Variants in LRRC41 observed in about 807,000 individuals in gnomAD.
LRRC41 encodes leucine rich repeat containing 41.
In LRRC41, 17 loss-of-function variants were observed where a neutral mutation model predicts 72.1. The observed-to-expected ratio is 0.24, with a 90% CI of 0.16 to 0.35. LRRC41 has a LOEUF of 0.35. Among genes scored for constraint, LRRC41 ranks in the 10% least tolerant of loss-of-function variants. The pLI is 1.00. For missense variants in LRRC41, 759 were observed against 1,065.0 expected (o/e 0.71, Z 4.00); for synonymous variants, 427 against 431.0 (o/e 0.99, Z 0.11).
intron 1 of LRRC41, among the ~76,000 whole-genome samples, chr1:46,301,504 G>A (rs17413652): frequency 0.093 from 14,162 of 151,616 alleles, 919 homozygotes; most frequent in Middle Eastern, 0.18. Flanking sequence ...CCGCACACCG[G>A]CCGACTTCTA....
intron 3 of LRRC41, among the ~76,000 whole-genome samples, chr1:46,293,045 A>G (rs1180960445): frequency 6.6e-6 from 1 of 152,212 alleles, no homozygotes; most frequent in East Asian, 1.9e-4. Flanking sequence ...TTAGCTGGGC[A>G]TGGTGGCACG....
rs372470887 is a variant in LRRC41 at position 46,303,497 on chromosome 1, C to G, written c.-175G>C. 4.0e-6 allele frequency: 3 copies of G among 755,440 alleles called. No homozygotes were observed. The highest frequency in any genetic ancestry group is 1.8e-5 in the African/African-American group (1 of 56,672). 46.8% of individuals were successfully genotyped at this position (755,440 alleles called of 1,614,324 possible). On this transcript the variant is annotated 5_prime_UTR_variant, in exon 1 of 10. Coordinates refer to ENST00000617190, the MANE Select transcript of LRRC41 (RefSeq NM_006369.5). ...TAGGAGCTACTATTTTAGATAAACT[C>G]CTAGATCAATTATACTTGGGTGTGG...
Position 46,286,520 on chromosome 1 carries a change from C to T in LRRC41, c.358-21G>A. 6.4e-7 allele frequency: 1 copy of T among 1,569,000 alleles called. No homozygotes were observed. Among genetic ancestry groups the T allele is most frequent in the Non-Finnish European group, 8.6e-7 (1 of 1,157,076 alleles). ...ACACTCTGAAACGCAGAAAACATGC[C>T]AGACAGCCATGATATATCCATGAAA... On this transcript the variant is annotated intron_variant, in intron 3 of 9. Transcript: ENST00000617190. The surrounding 1 kb of genome is among the most constrained non-coding windows in gnomAD (Gnocchi z 5.5).
chr1:46,300,767 C>T (rs1661206515), intron 1 of LRRC41: 1 of 152,410 alleles, frequency 6.6e-6, no homozygotes, highest in Non-Finnish European at 1.5e-5. Flanking sequence ...CCCGCTGCCC[C>T]AACTCCTTAC....
Position 46,289,899 on chromosome 1 carries a change from A to G in LRRC41, c.358-3400T>C, listed in dbSNP as rs1660971088. Among the ~76,000 whole-genome samples the G allele has an allele frequency of 2.6e-5, 4 of 152,336 alleles. No individual in the cohort carries two copies. The South Asian group carries it at 8.3e-4, about 32-fold the overall frequency. ...TTTGTTTTCTGTGAGGGTAAGGGAAATGAGGCATGATCAATGAGGTGAAGT... is the reference window on the plus strand; with the variant it reads ...TTTGTTTTCTGTGAGGGTAAGGGAAGTGAGGCATGATCAATGAGGTGAAGT... On this transcript the variant is annotated intron_variant, in intron 3 of 9. Transcript: ENST00000617190.
Position 46,285,999 on chromosome 1 carries a change from T to C in LRRC41, c.858A>G (p.Ser286=). 6.4e-7 allele frequency: 1 copy of C among 1,554,916 alleles called. No individual in the cohort carries two copies. The highest frequency in any genetic ancestry group is 1.4e-5 in the African/African-American group (1 of 73,336). Residue 286 remains serine (S), a synonymous_variant, in exon 4 of 10, where the codon TCA becomes TCG. Transcript: ENST00000617190. This position sits in a 1 kb window ranked among gnomAD's most constrained non-coding sequence, Gnocchi z 5.3. ...CAGCAGCATCCCGGCGGGGCCGACG[T>C]GAGCCCAATAAGAGGGACCCTTCAT... ...SRDEGSLLLG[S]RRPRRDAAER...
rs187926683 is a variant in LRRC41 at position 46,293,584 on chromosome 1, T to G, written c.357+3979A>C. Among the ~76,000 whole-genome samples the G allele has an allele frequency of 3.2e-4, 48 of 152,182 alleles. No individual in the cohort carries two copies. The East Asian group carries it at 9.3e-3, about 29-fold the overall frequency. On this transcript the variant is annotated intron_variant, in intron 3 of 9. Coordinates refer to ENST00000617190, the MANE Select transcript of LRRC41 (RefSeq NM_006369.5). ...TTTTTTTTGTTTATTGGTTTTATTATTTTTGGAGACAGAGTCTCACTCTCA... is the reference window on the plus strand; with the variant it reads ...TTTTTTTTGTTTATTGGTTTTATTAGTTTTGGAGACAGAGTCTCACTCTCA...
At chr1:46,289,859 A>G (rs1394709644) in intron 3 of LRRC41, among the ~76,000 whole-genome samples, 4 of 152,224 alleles carry the variant, frequency 2.6e-5, no homozygotes, top group African/African-American at 9.6e-5. Flanking sequence ...ATCACGATGC[A>G]AAGTGATTTA....
At chr1:46,280,979 T>C in intron 5 of LRRC41, 146 bp downstream of exon 5, 1 of 1,112,980 alleles carries the variant, frequency 9.0e-7, no homozygotes, top group Non-Finnish European at 1.3e-6. Context: ...ATCTTAGTGG[T>C]AGGCTCTAAA....
intron 5 of LRRC41, among the ~76,000 whole-genome samples, chr1:46,280,821 G>A (rs962737988): frequency 6.6e-6 from 1 of 152,178 alleles, no homozygotes; most frequent in Non-Finnish European, 1.5e-5. Flanking sequence ...AGAGTGGTGG[G>A]ATAGGAGACA....
chr1:46,298,203 T>TCAGGG, intron 2 of LRRC41, 81 bp downstream of exon 2: 1 of 983,588 alleles, frequency 1.0e-6, no homozygotes, highest in Non-Finnish European at 1.6e-6. Flanking sequence ...CTAGCAGGTA[T>TCAGGG]CAGGGGTAAT....
At chr1:46,293,740 T>C (rs1661065652) in intron 3 of LRRC41, among the ~76,000 whole-genome samples, 1 of 151,762 alleles carries the variant, frequency 6.6e-6, no homozygotes, top group Non-Finnish European at 1.5e-5. Context: ...CGGCTAATTT[T>C]TGTATTTTTA....
chr1:46,284,464 T>C (rs1226371387), intron 4 of LRRC41: 1 of 152,218 alleles, frequency 6.6e-6, no homozygotes, highest in Admixed American at 6.5e-5. Flanking sequence ...ATATAAAAAT[T>C]AGTTTGAGAA....
chr1:46,292,424 A>G (rs1263801304), intron 3 of LRRC41, among the ~76,000 whole-genome samples: 1 of 152,166 alleles, frequency 6.6e-6, no homozygotes, highest in African/African-American at 2.4e-5. Flanking sequence ...GTCTGAACAA[A>G]TATTACCAGA....
chr1:46,287,819 G>A (rs1660916392), intron 3 of LRRC41, among the ~76,000 whole-genome samples: 1 of 152,184 alleles, frequency 6.6e-6, no homozygotes, highest in Non-Finnish European at 1.5e-5. Flanking sequence ...CCCTTTGCCT[G>A]TGTACATGTC....
At chr1:46,296,233 G>A (rs536546641) in intron 3 of LRRC41, among the ~76,000 whole-genome samples, 7 of 152,288 alleles carry the variant, frequency 4.6e-5, no homozygotes, top group South Asian at 4.1e-4. Context: ...TGACCAACAT[G>A]GAGAAACCCT....
chr1:46,283,022 CAAAAAAAA>C (rs59632701), intron 4 of LRRC41, among the ~76,000 whole-genome samples: 20 of 53,874 alleles, frequency 3.7e-4, no homozygotes, highest in African/African-American at 1.4e-3. Context: ...GACTCCCTGT[CAAAAAAAA>C]AAAAAAAAAA....
rs141523334 is a variant in LRRC41, at chr1:46,277,848, G to A, written c.*1017C>T. ...ACCATTGAGGAGAAGATCTTCCAGC[G>A]TCAGAGCCACAAGAAGGCACTGAGC... is the stretch of plus-strand genomic sequence containing the variant. On this transcript the variant is annotated 3_prime_UTR_variant, in exon 10 of 10. Transcript: ENST00000617190. 98 of 1,612,314 alleles carry A rather than the reference G, an allele frequency of 6.1e-5. No homozygotes were observed. The highest frequency in any genetic ancestry group is 1.7e-4 in the Middle Eastern group (1 of 6,026).
At position 46,303,231 on chromosome 1, in the gene LRRC41, G is replaced by T; in HGVS notation, c.92C>A (p.Ala31Glu). The T allele has an allele frequency of 1.3e-6, 2 of 1,556,634 alleles. No individual in the cohort carries two copies. Among genetic ancestry groups the T allele is most frequent in the East Asian group, 2.4e-5 (1 of 41,504 alleles). ...GCCCGAGGCCGAGCTCTTCGCTGGC[G>T]CCGCCTCCCGGGACGTGGCCTCCAT... ...TTMEATSREAAPAKSSASGPN... is the reference protein window; with the variant it reads ...TTMEATSREAEPAKSSASGPN... The change falls in exon 1 of 10, where the codon GCG becomes GAG. Residue 31 changes from alanine to glutamate, a missense_variant. Coordinates refer to ENST00000617190, the MANE Select transcript of LRRC41 (RefSeq NM_006369.5).
Sources: allele counts gnomAD v4.1 joint callset (sites outside exome capture counted in the v4.1 genomes callset), GRCh38; gene constraint gnomAD v4.1.1; non-coding constraint Gnocchi (gnomAD v3.1); transcripts MANE v1.5; gene names NCBI Gene and HGNC (gene_info 2026-07-23, HGNC 2026-07-21).